The following ENTPD6 variants were observed in gnomAD, a reference collection of about 807,000 sequenced individuals.
ENTPD6 encodes CD39 antigen-like 2.
In ENTPD6, 46 loss-of-function variants were observed where a neutral mutation model predicts 61.5. The ratio of observed to expected loss-of-function variants is 0.75; its 90% CI spans 0.59 to 0.96. The LOEUF (loss-of-function observed/expected upper bound fraction) is 0.96. Ranked by LOEUF, ENTPD6 falls within the 40% of genes least tolerant of loss-of-function variation. The probability of loss-of-function intolerance (pLI) is 0.00; values close to 1 mark genes in which losing one functional copy is unlikely to be tolerated. For synonymous variants in ENTPD6, 252 were observed against 255.5 expected (o/e 0.99, Z 0.13); for missense variants, 612 against 629.0 (o/e 0.97, Z 0.29).
At chr20:25,223,586 G>C (rs1193107693) in intron 12 of ENTPD6, among the ~76,000 whole-genome samples, 1 of 152,154 alleles carries the variant, frequency 6.6e-6, no homozygotes, top group East Asian at 1.9e-4. Flanking sequence ...GGGCCCTGCA[G>C]CCTCCGGCGG....
At chr20:25,221,153 C>G (rs2092617191) in intron 10 of ENTPD6, 79 bp from the exon 11 acceptor site, 1 of 1,141,868 alleles carries the variant, frequency 8.8e-7, no homozygotes, top group Non-Finnish European at 1.3e-6. Flanking sequence ...AAGCCAGGGC[C>G]TCCGCGACTC....
At chr20:25,220,192 T>G (rs1183486926) in intron 10 of ENTPD6, among the ~76,000 whole-genome samples, 1 of 152,116 alleles carries the variant, frequency 6.6e-6, no homozygotes, top group African/African-American at 2.4e-5. Context: ...ACCCCCCAAG[T>G]AGAGTGAAAG....
In ENTPD6 at chr20:25,206,567, A is replaced by T; in HGVS notation, c.31A>T (p.Arg11Ter). The change falls in exon 2 of 15, where the codon AGA becomes TGA. Residue 11 changes from arginine (R) to a stop codon, truncating the protein, a stop_gained. Transcript: ENST00000376652. LOFTEE classifies it high-confidence loss of function. MKKGIRYETSRKTSYIFQQPQ... is the reference protein window; with the variant it reads MKKGIRYETS Reference sequence around the variant, plus strand: ...AAAAGGTATCCGTTATGAAACTTCCAGAAAAACGAGCTACATTTTTCAGGT... The same window carrying T: ...AAAAGGTATCCGTTATGAAACTTCCTGAAAAACGAGCTACATTTTTCAGGT... The T allele has an allele frequency of 6.2e-7, 1 of 1,613,816 alleles. No individual in the cohort carries two copies. The highest frequency in any genetic ancestry group is 8.5e-7 in the Non-Finnish European group (1 of 1,179,652).
chr20:25,215,575 T>G, intron 6 of ENTPD6, 101 bp from the exon 7 acceptor site: 1 of 1,238,858 alleles, frequency 8.1e-7, no homozygotes, highest in Non-Finnish European at 1.2e-6. Context: ...AAGTGATCCC[T>G]TTATGCTCCC....
intron 1 of ENTPD6, among the ~76,000 whole-genome samples, chr20:25,203,764 T>G (rs1053200174): frequency 5.9e-5 from 9 of 152,258 alleles, no homozygotes; most frequent in Non-Finnish European, 1.3e-4. Context: ...TGCCACTTCA[T>G]TTTCTTCCTC....
At chr20:25,217,982 CTCCTCCCACCTCCTCTG>C (rs1456695975) in intron 9 of ENTPD6, among the ~76,000 whole-genome samples, 1 of 144,350 alleles carries the variant, frequency 6.9e-6, no homozygotes, top group Non-Finnish European at 1.5e-5. Context: ...TCTCCTCCTC[CTCCTCCCACCTCCTCTG>C]TCCTCCTCCT....
In ENTPD6 at chr20:25,215,065, G is replaced by A. The variant is rs181110141; in HGVS notation, c.673+123G>A. On this transcript the variant is annotated intron_variant, in intron 6 of 14. Transcript: ENST00000376652. ...CATGTGGGAGCCTCCTCCCCCGTCC[G>A]ATGCTCAAGTAAAGAATCATGGCTG... is the stretch of plus-strand genomic sequence containing the variant. 8.6e-4 allele frequency: 562 copies of A among 652,562 alleles called. 1 individual carries two copies. Among genetic ancestry groups the A allele is most frequent in the South Asian group, 1.7e-3 (95 of 56,648 alleles). The allele number at this position is 652,562 out of a possible 1,614,324, so 40.4% of individuals were successfully genotyped here.
intron 3 of ENTPD6, 81 bp downstream of exon 3, chr20:25,207,478 C>T: frequency 7.7e-7 from 1 of 1,296,260 alleles, no homozygotes; most frequent in Non-Finnish European, 1.0e-6. Context: ...CACAGACTCA[C>T]CTGGGAGCTT....
At chr20:25,207,778 G>C (rs769452384) in intron 3 of ENTPD6, among the ~76,000 whole-genome samples, 1 of 152,222 alleles carries the variant, frequency 6.6e-6, no homozygotes, top group Admixed American at 6.5e-5. Context: ...AGGAAAGTCA[G>C]ATAAATAATA....
At chr20:25,202,546 A>C (rs983659138) in intron 1 of ENTPD6, among the ~76,000 whole-genome samples, 1 of 152,088 alleles carries the variant, frequency 6.6e-6, no homozygotes, top group African/African-American at 2.4e-5. Flanking sequence ...TGTATATGCT[A>C]CAGACATTTC....
At chr20:25,209,951 T>C (rs1278779788) in intron 4 of ENTPD6, 26 bp downstream of exon 4, 1 of 1,584,190 alleles carries the variant, frequency 6.3e-7, no homozygotes, top group African/African-American at 1.3e-5. Context: ...CGTGTCTCCC[T>C]GTTCAACTGC....
chr20:25,217,223 T>C (rs541282047), intron 8 of ENTPD6, among the ~76,000 whole-genome samples: 2 of 152,284 alleles, frequency 1.3e-5, no homozygotes, highest in South Asian at 4.1e-4. Context: ...TGGGTAGTTT[T>C]CCATGGAAGG....
At position 25,207,065 on chromosome 20, in the gene ENTPD6, C is replaced by A; in HGVS notation, c.55-11C>A. 1 of 1,591,804 alleles carries A rather than the reference C, an allele frequency of 6.3e-7. No homozygotes were observed. The highest frequency in any genetic ancestry group is 8.6e-7 in the Non-Finnish European group (1 of 1,164,224). On this transcript the variant is annotated splice_polypyrimidine_tract_variant and intron_variant, in intron 2 of 14. Transcript: ENST00000376652. ...AACGTGCTTTTCCTGCCTCTCCCCCCTTCCCACCAGCAGCCGCAGCACGGT... is the reference window on the plus strand; with the variant it reads ...AACGTGCTTTTCCTGCCTCTCCCCCATTCCCACCAGCAGCCGCAGCACGGT...
chr20:25,216,603 G>T, intron 7 of ENTPD6, 45 bp from the exon 8 acceptor site: 15 of 1,457,904 alleles, frequency 1.0e-5, no homozygotes, highest in Non-Finnish European at 1.4e-5. Context: ...CTGTTCTCGC[G>T]ATCTTACTAA....
At chr20:25,216,770 A>G in intron 8 of ENTPD6, 34 bp downstream of exon 8, 1 of 1,233,310 alleles carries the variant, frequency 8.1e-7, no homozygotes. Flanking sequence ...CGCTCTTTCC[A>G]CCCCGAGGCC....
intron 1 of ENTPD6, among the ~76,000 whole-genome samples, chr20:25,199,652 T>G (rs1358941319): frequency 2.0e-5 from 3 of 151,914 alleles, no homozygotes; most frequent in Non-Finnish European, 4.4e-5. Flanking sequence ...CCTCACCCAC[T>G]GCCCTCAGCA....
chr20:25,196,168 C>G (rs750718260), intron 1 of ENTPD6: 14 of 1,211,198 alleles, frequency 1.2e-5, no homozygotes, highest in Non-Finnish European at 1.3e-5. Context: ...CTTTTGCGGA[C>G]CCGCCCCCAG....
chr20:25,209,465 C>A lies in ENTPD6; in HGVS notation c.377-384C>A, dbSNP rs940409393. ...AGGGCACATAGCTTGCACCTGTAGT[C>A]CCAGCTACTCAGGAGGCTGAGATGG... is the stretch of plus-strand genomic sequence containing the variant. On this transcript the variant is annotated intron_variant, in intron 3 of 14. Transcript: ENST00000376652. Among the ~76,000 whole-genome samples, 6 of 151,924 alleles carry A rather than the reference C, an allele frequency of 3.9e-5. No individual in the cohort carries two copies. The East Asian group carries it at 7.8e-4, about 20-fold the overall frequency.
intron 12 of ENTPD6, 26 bp downstream of exon 12, chr20:25,223,004 A>G (rs781469347): frequency 2.3e-5 from 25 of 1,075,360 alleles, no homozygotes; most frequent in Admixed American, 1.4e-4. Flanking sequence ...TGGGCTGAGC[A>G]GGAAGGTCGG....
Sources: gnomAD v4.1 joint callset for allele counts (sites outside exome capture counted in the v4.1 genomes callset) on GRCh38, gnomAD v4.1.1 for gene constraint, MANE v1.5 for transcripts, NCBI Gene and HGNC (gene_info 2026-07-23, HGNC 2026-07-21) for gene names.